Variants in SOX5 observed in about 807,000 individuals in gnomAD.
SOX5 encodes transcription factor SOX-5.
A neutral mutation model predicts 92.0 loss-of-function variants in SOX5; 9 were observed. That is an observed-to-expected ratio of 0.10 (90% CI 0.06 to 0.17). The LOEUF (loss-of-function observed/expected upper bound fraction) is 0.17. Ranked by LOEUF, SOX5 falls within the 10% of genes least tolerant of loss-of-function variation. The pLI is 1.00. For missense variants in SOX5, 642 were observed against 944.5 expected (o/e 0.68, Z 4.20); for synonymous variants, 344 against 336.3 (o/e 1.02, Z -0.25).
At chr12:24,073,247 C>T (rs936569976) in intron 4 of SOX5, among the ~76,000 whole-genome samples, 13 of 152,150 alleles carry the variant, frequency 8.5e-5, no homozygotes, top group Non-Finnish European at 1.5e-4. Flanking sequence ...ATGAGTTCAC[C>T]TGGATCCTAT....
At chr12:24,447,206 T>G (rs1390755955) in intron 1 of SOX5, among the ~76,000 whole-genome samples, 1 of 151,996 alleles carries the variant, frequency 6.6e-6, no homozygotes, top group African/African-American at 2.4e-5. Context: ...AACTTTACAC[T>G]AGAGAAACCT....
chr12:23,980,833 G>C (rs1385052692), intron 4 of SOX5, among the ~76,000 whole-genome samples: 2 of 152,140 alleles, frequency 1.3e-5, no homozygotes, highest in Non-Finnish European at 2.9e-5. Context: ...CCACGCTGAG[G>C]AAGACATGGT....
chr12:23,946,719 C>T (rs745726034), intron 1 of SOX5, among the ~76,000 whole-genome samples: 12 of 151,904 alleles, frequency 7.9e-5, no homozygotes, highest in East Asian at 1.9e-4. Context: ...TTCCTTTAAA[C>T]GGTAAAATGT....
chr12:23,605,264 G>T (rs2075099965), intron 8 of SOX5, among the ~76,000 whole-genome samples: 1 of 151,700 alleles, frequency 6.6e-6, no homozygotes. Context: ...ATTAATAAAA[G>T]AAAAATTTTA....
chr12:24,110,328 C>T (rs976002367), intron 4 of SOX5, among the ~76,000 whole-genome samples: 3 of 152,216 alleles, frequency 2.0e-5, no homozygotes, highest in Non-Finnish European at 2.9e-5. Context: ...AACAACAACG[C>T]AGTCATCTTT....
At chr12:24,373,659 AAC>A (rs1315618377) in intron 1 of SOX5, among the ~76,000 whole-genome samples, 1 of 152,204 alleles carries the variant, frequency 6.6e-6, no homozygotes, top group Admixed American at 6.5e-5. Context: ...TATGCACACA[AAC>A]ACAGATATCA....
intron 1 of SOX5, among the ~76,000 whole-genome samples, chr12:23,926,822 C>T (rs1195802656): frequency 1.3e-5 from 2 of 151,908 alleles, no homozygotes; most frequent in Non-Finnish European, 2.9e-5. Context: ...TTGAGAAGCA[C>T]AATTCTCAAA....
intron 3 of SOX5, among the ~76,000 whole-genome samples, chr12:24,229,091 T>G (rs918292067): frequency 6.6e-6 from 1 of 152,202 alleles, no homozygotes. Context: ...TTATCTGTAG[T>G]GCAGCCACAC....
At chr12:23,785,596 GT>G (rs1443421522) in intron 3 of SOX5, among the ~76,000 whole-genome samples, 4 of 152,064 alleles carry the variant, frequency 2.6e-5, no homozygotes, top group African/African-American at 9.7e-5. Context: ...TTATTGTTTT[GT>G]TTTTATCAAT....
chr12:24,313,306 T>C (rs545825900), intron 2 of SOX5, among the ~76,000 whole-genome samples: 2 of 152,266 alleles, frequency 1.3e-5, no homozygotes, highest in Admixed American at 6.5e-5. Flanking sequence ...GGCGAGAGGA[T>C]AGCTTGAGGC....
chr12:23,568,038 A>G (rs563885584), intron 10 of SOX5, among the ~76,000 whole-genome samples: 10 of 152,256 alleles, frequency 6.6e-5, no homozygotes, highest in African/African-American at 2.2e-4. Flanking sequence ...ATTATCTGTG[A>G]CTCTGGCCTC....
intron 4 of SOX5, among the ~76,000 whole-genome samples, chr12:23,994,221 T>A (rs1049912447): frequency 6.6e-6 from 1 of 151,940 alleles, no homozygotes; most frequent in Non-Finnish European, 1.5e-5. Context: ...TGAAGACACA[T>A]AGAAATACTA....
intron 8 of SOX5, among the ~76,000 whole-genome samples, chr12:23,606,915 T>C (rs1208068714): frequency 6.6e-6 from 1 of 152,184 alleles, no homozygotes; most frequent in Admixed American, 6.6e-5. Flanking sequence ...AATATTTCTA[T>C]AATAACAGTA....
chr12:23,906,688 C>T (rs1488167446), intron 1 of SOX5, among the ~76,000 whole-genome samples: 1 of 152,156 alleles, frequency 6.6e-6, no homozygotes, highest in South Asian at 2.1e-4. Context: ...ACTATCTCTT[C>T]CGATATAGGC....
intron 1 of SOX5, among the ~76,000 whole-genome samples, chr12:24,547,926 T>C (rs1478401498): frequency 1.3e-5 from 2 of 152,228 alleles, no homozygotes; most frequent in South Asian, 2.1e-4. Flanking sequence ...AAATATTCAC[T>C]GAGTTACAAG....
At position 23,886,287 on chromosome 12, in the gene SOX5, G is replaced by A. The variant is rs541982734; in HGVS notation, c.270+9506C>T. Among the ~76,000 whole-genome samples, 5 of 152,242 alleles carry A rather than the reference G, an allele frequency of 3.3e-5. No homozygotes were observed. In the South Asian group the frequency reaches 1.0e-3, roughly 32 times the overall value. On this transcript the variant is annotated intron_variant, in intron 2 of 14. Transcript: ENST00000451604. ...AAAATCCAATACTAGACTCCCTTAT[G>A]TTATTTTTAAGACTTGACTTTCTTA...
intron 2 of SOX5, among the ~76,000 whole-genome samples, chr12:23,872,294 G>A (rs1455808985): frequency 6.6e-6 from 1 of 151,092 alleles, no homozygotes; most frequent in Admixed American, 6.6e-5. Flanking sequence ...TTACAGGCGT[G>A]GGCCACCCCA....
intron 3 of SOX5, among the ~76,000 whole-genome samples, chr12:23,764,353 T>C (rs548038060): frequency 1.3e-5 from 2 of 152,154 alleles, no homozygotes; most frequent in South Asian, 4.1e-4. Context: ...AACAAAATAA[T>C]AGAAAAGAAT....
intron 9 of SOX5, among the ~76,000 whole-genome samples, chr12:23,584,972 C>G (rs1445978458): frequency 6.6e-6 from 1 of 151,798 alleles, no homozygotes; most frequent in Non-Finnish European, 1.5e-5. Context: ...TCTTTACACC[C>G]ACATATACCT....
Sources: allele counts gnomAD v4.1 joint callset (sites outside exome capture counted in the v4.1 genomes callset), GRCh38; gene constraint gnomAD v4.1.1; transcripts MANE v1.5; gene names NCBI Gene and HGNC (gene_info 2026-07-23, HGNC 2026-07-21).